The following FAM83E variants were observed in gnomAD, a reference collection of about 807,000 sequenced individuals.
FAM83E encodes the protein scaffolding CK1 anchoring protein E.
FAM83E carries 29 observed loss-of-function variants against 34.3 expected under a neutral mutation model. The observed-to-expected ratio is 0.85, with a 90% confidence interval of 0.63 to 1.15. FAM83E has a LOEUF of 1.15. Among genes scored for constraint, FAM83E ranks in the 50% most tolerant of loss-of-function variants. The pLI is 0.00. For synonymous variants in FAM83E, 312 were observed against 311.6 expected, an observed-to-expected ratio of 1.00 and a Z score of -0.01; for missense variants, 697 against 685.0, an observed-to-expected ratio of 1.02 and a Z score of -0.20.
chr19:48,607,114 G>A, intron 5 of FAM83E: 6 of 1,613,130 alleles, frequency 3.7e-6, no homozygotes, highest in Non-Finnish European at 4.2e-6. Context: ...CGATGACGAG[G>A]ACTGCTTCAC....
chr19:48,601,362 T>G lies in FAM83E; in HGVS notation c.1184A>C (p.Lys395Thr). 6.4e-7 allele frequency: 1 copy of G among 1,562,330 alleles called. No homozygotes were observed. Among genetic ancestry groups the G allele is most frequent in the Non-Finnish European group, 8.7e-7 (1 of 1,152,668 alleles). ...TGGAGTGTCCTTGGAGCCCCAGGAT[T>G]TCTTGAGCTGTGGAGGGAAAGAGAG... is the stretch of plus-strand genomic sequence containing the variant. Reference protein sequence around the residue: ...GSSDGDNELKKSWGSKDTPAK... With the variant: ...GSSDGDNELKTSWGSKDTPAK... The change falls in exon 7 of 7, where the codon AAA (lysine) becomes ACA (threonine). Residue 395 changes from lysine to threonine, a missense_variant. Transcript: ENST00000263266.
intron 3 of FAM83E, 23 bp downstream of exon 3, chr19:48,612,885 C>A (rs1188451894): frequency 6.6e-7 from 1 of 1,508,110 alleles, no homozygotes. Context: ...GGTGAATGGA[C>A]ACAGGGCCCC....
chr19:48,609,756 C>T, intron 5 of FAM83E, 120 bp downstream of exon 5: 1 of 1,143,680 alleles, frequency 8.7e-7, no homozygotes, highest in Non-Finnish European at 1.3e-6. Context: ...GTGTTTTGCC[C>T]CCATTACACA....
Position 48,614,719 on chromosome 19 carries a change from AGTGCCGG to A in FAM83E, c.-1274_-1268del, listed in dbSNP as rs1974116475. On this transcript the variant is annotated 5_prime_UTR_variant, in exon 2 of 7. Transcript: ENST00000263266. ...TCGCCGGGGCTCACCCACACCGGCT[AGTGCCGG>A]GCTCAATGGCCTCCCTTCCAGTGCC... The A allele has an allele frequency of 1.0e-6, 1 of 960,314 alleles. No individual in the cohort carries two copies. The highest frequency in any genetic ancestry group is 6.8e-5 in the Admixed American group (1 of 14,752). 59.5% of individuals were successfully genotyped at this position (960,314 alleles called of 1,614,324 possible).
chr19:48,606,717 C>A, intron 5 of FAM83E: 1 of 523,816 alleles, frequency 1.9e-6, no homozygotes, highest in Non-Finnish European at 3.4e-6. Context: ...CCAGTGGGAA[C>A]CCTGAGGGAT....
At chr19:48,609,265 C>CTTTTTTTTTTTTTTTTTTTTTT (rs869031073) in intron 5 of FAM83E, among the ~76,000 whole-genome samples, 3 of 99,692 alleles carry the variant, frequency 3.0e-5, no homozygotes, top group Admixed American at 2.6e-4. Flanking sequence ...TTCTTTCTTT[C>CTTTTTTTTTTTTTTTTTTTTTT]TTTTTTTTTT....
intron 6 of FAM83E, among the ~76,000 whole-genome samples, chr19:48,603,275 C>T (rs140594650): frequency 0.024 from 3,643 of 152,254 alleles, 66 homozygotes; most frequent in Non-Finnish European, 0.035. Context: ...CCAGGGCTCT[C>T]CTGTCTCTGC....
intron 5 of FAM83E, chr19:48,607,597 C>T (rs928190105): frequency 4.7e-5 from 25 of 537,506 alleles, no homozygotes; most frequent in Middle Eastern, 4.8e-4. Flanking sequence ...GGTTCTAAGA[C>T]GCAGAGCTTC....
chr19:48,614,395 GC>G lies in FAM83E; in HGVS notation c.-1024del. ...ATCTGCGGGGAGCCCTACCCAAGCTGCCCCCAGCCTGGTTTCTGCCTAAATG... is the reference window on the plus strand; with the variant it reads ...ATCTGCGGGGAGCCCTACCCAAGCTGCCCCAGCCTGGTTTCTGCCTAAATG... On this transcript the variant is annotated 5_prime_UTR_variant, in exon 3 of 7. Coordinates refer to ENST00000263266, the MANE Select transcript of FAM83E (RefSeq NM_017708.4). 1.0e-6 allele frequency: 1 copy of G among 985,470 alleles called. No homozygotes were observed. The highest frequency in any genetic ancestry group is 5.2e-4 in the Middle Eastern group (1 of 1,914). The allele number at this position is 985,470 out of a possible 1,614,324, so 61.0% of individuals were successfully genotyped here.
At chr19:48,610,624 A>T in intron 4 of FAM83E, 56 bp downstream of exon 4, 1 of 1,518,682 alleles carries the variant, frequency 6.6e-7, no homozygotes, top group Non-Finnish European at 8.9e-7. Context: ...GTCTGCCCCC[A>T]CTGCCCCCAT....
At position 48,613,039 on chromosome 19, in the gene FAM83E, G is replaced by A; in HGVS notation, c.334C>T (p.Leu112=). 1 of 1,603,026 alleles carries A rather than the reference G, an allele frequency of 6.2e-7. No homozygotes were observed. Among genetic ancestry groups the A allele is most frequent in the Non-Finnish European group, 8.5e-7 (1 of 1,175,980 alleles). ...GAGTCCACTGGCCAGCCCAGCCGCAGGACGGGCGCCGGCTGCTCCGACTGC... is the reference window on the plus strand; with the variant it reads ...GAGTCCACTGGCCAGCCCAGCCGCAAGACGGGCGCCGGCTGCTCCGACTGC... ...PGQSEQPAPV[L]RLGWPVDSAW... The change falls in exon 3 of 7, where the codon CTG becomes TTG. Residue 112 remains leucine (L), a synonymous_variant. Coordinates refer to ENST00000263266, the MANE Select transcript of FAM83E (RefSeq NM_017708.4).
At chr19:48,610,948 T>A in intron 3 of FAM83E, 101 bp from the exon 4 acceptor site, 3 of 1,231,574 alleles carry the variant, frequency 2.4e-6, no homozygotes, top group Non-Finnish European at 3.4e-6. Flanking sequence ...GGGAGTAAAG[T>A]GCTCTGGGGG....
intron 5 of FAM83E, among the ~76,000 whole-genome samples, chr19:48,609,650 G>A (rs1165738147): frequency 6.6e-6 from 1 of 152,190 alleles, no homozygotes; most frequent in East Asian, 1.9e-4. Context: ...TTCCAGATAA[G>A]AAAACACCAG....
rs566001869 is a variant in FAM83E at position 48,610,944 on chromosome 19, A to G, written c.466-97T>C. 32 of 1,284,482 alleles carry G rather than the reference A, an allele frequency of 2.5e-5. No individual in the cohort carries two copies. In the African/African-American group the frequency reaches 4.4e-4, roughly 18 times the overall value. The allele number at this position is 1,284,482 out of a possible 1,614,324, so 79.6% of individuals were successfully genotyped here. A position where few individuals can be genotyped will look rare whatever the true frequency, so the allele number is the denominator to read the frequency against. Reference sequence around the variant, plus strand: ...AACCTGACATCTGGAATCTGGGAGTAAAGTGCTCTGGGGGCTGGGAGTTTA... The same window carrying G: ...AACCTGACATCTGGAATCTGGGAGTGAAGTGCTCTGGGGGCTGGGAGTTTA... On this transcript the variant is annotated intron_variant, in intron 3 of 6. Coordinates refer to ENST00000263266, the MANE Select transcript of FAM83E (RefSeq NM_017708.4).
chr19:48,614,009 G>A lies in FAM83E; in HGVS notation c.-637C>T. The A allele has an allele frequency of 1.0e-6, 1 of 985,404 alleles. No homozygotes were observed. Among genetic ancestry groups the A allele is most frequent in the Non-Finnish European group, 1.2e-6 (1 of 829,934 alleles). 61.0% of individuals were successfully genotyped at this position (985,404 alleles called of 1,614,324 possible). ...ACAGTCACAGTATCTGCCTGTTGGA[G>A]CATCTGTCTCTGGCCAAATCTGACA... On this transcript the variant is annotated 5_prime_UTR_variant, in exon 3 of 7. Transcript: ENST00000263266.
chr19:48,611,624 C>T (rs546117521), intron 3 of FAM83E, among the ~76,000 whole-genome samples: 129 of 152,252 alleles, frequency 8.5e-4, no homozygotes, highest in African/African-American at 2.9e-3. Flanking sequence ...CCCACCACCA[C>T]GCCCGGCTAA....
intron 5 of FAM83E, among the ~76,000 whole-genome samples, chr19:48,609,327 G>A (rs755117783): frequency 3.5e-5 from 5 of 144,910 alleles, no homozygotes; most frequent in Non-Finnish European, 6.0e-5. Context: ...TCCCAGGCTG[G>A]AGTGCGACAG....
rs755186277 is a variant in FAM83E at position 48,601,206 on chromosome 19, CTTCGGGCTGGGGACAGATAG to C, written c.1320_1339del (p.Tyr441AlafsTer101). 6.2e-7 allele frequency: 1 copy of C among 1,611,892 alleles called. No homozygotes were observed. The highest frequency in any genetic ancestry group is 8.5e-7 in the Non-Finnish European group (1 of 1,178,846). Reference sequence around the variant, plus strand: ...GAATGTAGCATCCCCACCGAACCGCCTTCGGGCTGGGGACAGATAGCGGAGGCGGTGGGCGGGGGGCAGGG... The same window carrying C: ...GAATGTAGCATCCCCACCGAACCGCCCGGAGGCGGTGGGCGGGGGGCAGGG... On this transcript the variant is annotated frameshift_variant, in exon 7 of 7. Coordinates refer to ENST00000263266, the MANE Select transcript of FAM83E (RefSeq NM_017708.4). LOFTEE classifies it low-confidence loss of function (END_TRUNC).
chr19:48,605,019 C>CAAAAAAAAA (rs72014229), intron 5 of FAM83E, among the ~76,000 whole-genome samples: 2 of 75,702 alleles, frequency 2.6e-5, no homozygotes, highest in African/African-American at 5.0e-5. Context: ...GACTCTGACT[C>CAAAAAAAAA]AAAAAAAAAA....
Sources: allele counts gnomAD v4.1 joint callset (sites outside exome capture counted in the v4.1 genomes callset), GRCh38; gene constraint gnomAD v4.1.1; transcripts MANE v1.5; gene names NCBI Gene and HGNC (gene_info 2026-07-23, HGNC 2026-07-21).